CNTN5: variants seen among roughly 807,000 people sequenced by gnomAD.
CNTN5 encodes the protein contactin 5, also known as contactin-5.
In CNTN5, 77 loss-of-function variants were observed where a neutral mutation model predicts 129.1. The observed-to-expected ratio is 0.60, with a 90% confidence interval of 0.50 to 0.72. CNTN5 has a LOEUF of 0.72. CNTN5 is among the 30% of genes least tolerant of loss of function. The pLI is 0.00. For synonymous variants in CNTN5, 509 were observed against 465.6 expected (o/e 1.09, Z -1.20); for missense variants, 1,478 against 1,328.8 (o/e 1.11, Z -1.75).
intron 13 of CNTN5, among the ~76,000 whole-genome samples, chr11:100,149,809 G>A (rs1946990588): frequency 6.6e-6 from 1 of 151,550 alleles, no homozygotes; most frequent in Non-Finnish European, 1.5e-5. Context: ...GCAGAAGAAT[G>A]GCGTGAACCA....
chr11:100,107,178 C>T (rs1945471037), intron 13 of CNTN5, among the ~76,000 whole-genome samples: 1 of 152,014 alleles, frequency 6.6e-6, no homozygotes. Flanking sequence ...ACCACTTTTT[C>T]CTCACTCCTG....
intron 1 of CNTN5, among the ~76,000 whole-genome samples, chr11:99,157,280 C>T (rs1860382700): frequency 6.6e-6 from 1 of 151,944 alleles, no homozygotes; most frequent in Non-Finnish European, 1.5e-5. Flanking sequence ...CAAAAATCTC[C>T]TCATAAATCA....
At chr11:99,396,482 C>T (rs1359716219) in intron 2 of CNTN5, among the ~76,000 whole-genome samples, 3 of 151,426 alleles carry the variant, frequency 2.0e-5, no homozygotes, top group Non-Finnish European at 4.4e-5. Context: ...AAACCCCAGT[C>T]AGTATCCTTA....
At chr11:99,997,466 A>G (rs11222267) in intron 8 of CNTN5, among the ~76,000 whole-genome samples, 12,216 of 152,212 alleles carry the variant, frequency 0.08, 938 homozygotes, top group African/African-American at 0.19. Flanking sequence ...AAGAAGTTGA[A>G]TCTCTGAATA....
intron 9 of CNTN5, among the ~76,000 whole-genome samples, chr11:100,037,671 T>A (rs1942099077): frequency 1.3e-5 from 2 of 152,214 alleles, no homozygotes; most frequent in South Asian, 4.1e-4. Context: ...ATTCAGAGAT[T>A]CAACTTCTTC....
chr11:99,531,168 G>A (rs954936426), intron 2 of CNTN5, among the ~76,000 whole-genome samples: 1 of 152,194 alleles, frequency 6.6e-6, no homozygotes, highest in Non-Finnish European at 1.5e-5. Context: ...GGTCTCAGAT[G>A]GAGATGAGGA....
chr11:99,408,448 G>GAAAGAGAAGAAAGAAAGAAAGAAAGAA (rs71305322), intron 2 of CNTN5, among the ~76,000 whole-genome samples: 12 of 78,132 alleles, frequency 1.5e-4, no homozygotes, highest in Non-Finnish European at 2.5e-4. Flanking sequence ...AAGAAAGAAA[G>GAAAGAGAAGAAAGAAAGAAAGAAAGAA]AGAAAGAAAG....
At chr11:99,414,315 C>T (rs773175084) in intron 2 of CNTN5, among the ~76,000 whole-genome samples, 2 of 152,106 alleles carry the variant, frequency 1.3e-5, no homozygotes, top group African/African-American at 2.4e-5. Context: ...GTTGGTGATG[C>T]TCTTTCTCTG....
intron 7 of CNTN5, among the ~76,000 whole-genome samples, chr11:99,920,980 G>A (rs1949924401): frequency 6.6e-6 from 1 of 152,050 alleles, no homozygotes; most frequent in Admixed American, 6.5e-5. Context: ...TATTAGAAGA[G>A]ACACCAGAGA....
At chr11:99,533,764 A>G (rs1947799891) in intron 2 of CNTN5, among the ~76,000 whole-genome samples, 1 of 151,848 alleles carries the variant, frequency 6.6e-6, no homozygotes, top group Admixed American at 6.6e-5. Context: ...CATTCTCACT[A>G]CTCCCTTTGT....
intron 8 of CNTN5, among the ~76,000 whole-genome samples, chr11:99,990,708 C>A (rs1939028089): frequency 6.6e-6 from 1 of 152,050 alleles, no homozygotes; most frequent in Non-Finnish European, 1.5e-5. Flanking sequence ...AAACTTTGTA[C>A]TTCTCAGTGG....
At chr11:99,979,816 A>G (rs962903199) in intron 8 of CNTN5, among the ~76,000 whole-genome samples, 2 of 152,200 alleles carry the variant, frequency 1.3e-5, no homozygotes, top group Non-Finnish European at 2.9e-5. Flanking sequence ...ATGGAATACA[A>G]TTCATTCATT....
At position 99,892,394 on chromosome 11, in the gene CNTN5, C is replaced by T. The variant is rs189850859; in HGVS notation, c.578-23660C>T. On this transcript the variant is annotated intron_variant, in intron 6 of 24. Coordinates refer to ENST00000524871, the MANE Select transcript of CNTN5 (RefSeq NM_014361.4). ...GCTTTTGGTGTTTTAGTCATGAAGTCTTTGCCCATACCTATGTCCTGAATG... is the reference window on the plus strand; with the variant it reads ...GCTTTTGGTGTTTTAGTCATGAAGTTTTTGCCCATACCTATGTCCTGAATG... 3.3e-3 allele frequency among the ~76,000 whole-genome samples: 509 copies of T among 152,218 alleles called. 3 individuals are homozygous for T. The highest frequency in any genetic ancestry group is 0.012 in the African/African-American group (484 of 41,534).
intron 2 of CNTN5, among the ~76,000 whole-genome samples, chr11:99,344,970 G>T (rs1469044909): frequency 6.6e-6 from 1 of 152,152 alleles, no homozygotes; most frequent in African/African-American, 2.4e-5. Context: ...TTGGAAATGT[G>T]TAGCTTTCTG....
chr11:99,842,629 A>C (rs972711270), intron 4 of CNTN5, among the ~76,000 whole-genome samples: 1 of 152,178 alleles, frequency 6.6e-6, no homozygotes, highest in Non-Finnish European at 1.5e-5. Context: ...TTTAATGTTT[A>C]AGTCATAGTT....
intron 2 of CNTN5, among the ~76,000 whole-genome samples, chr11:99,425,811 G>A (rs1565572046): frequency 6.6e-6 from 1 of 152,198 alleles, no homozygotes; most frequent in Non-Finnish European, 1.5e-5. Flanking sequence ...GTTTCCACCT[G>A]TTCCTCACCT....
intron 2 of CNTN5, among the ~76,000 whole-genome samples, chr11:99,488,645 G>A (rs545265091): frequency 5.6e-4 from 86 of 152,266 alleles, no homozygotes; most frequent in African/African-American, 2.0e-3. Flanking sequence ...TCCAGAACTA[G>A]TTATAGTGTA....
At chr11:99,741,548 A>C (rs914749067) in intron 3 of CNTN5, among the ~76,000 whole-genome samples, 2 of 152,142 alleles carry the variant, frequency 1.3e-5, no homozygotes, top group African/African-American at 4.8e-5. Flanking sequence ...CCTTACTGAC[A>C]TCAGTAAGCA....
chr11:99,277,704 A>G (rs1863506476), intron 1 of CNTN5, among the ~76,000 whole-genome samples: 1 of 151,726 alleles, frequency 6.6e-6, no homozygotes, highest in Non-Finnish European at 1.5e-5. Context: ...GTATAACTCA[A>G]AGAAAGTTTG....
Sources: allele counts gnomAD v4.1 joint callset (sites outside exome capture counted in the v4.1 genomes callset), GRCh38; gene constraint gnomAD v4.1.1; transcripts MANE v1.5; gene names NCBI Gene and HGNC (gene_info 2026-07-23, HGNC 2026-07-21).